The following CHMP4B variants were observed in gnomAD, a reference collection of about 807,000 sequenced individuals.
The protein encoded by CHMP4B is charged multivesicular body protein 4B.
CHMP4B carries 1 observed loss-of-function variant against 25.1 expected under a neutral mutation model. The ratio of observed to expected loss-of-function variants is 0.04; its 90% CI spans 0.01 to 0.19. CHMP4B has a LOEUF of 0.19. Among genes scored for constraint, CHMP4B ranks in the 10% least tolerant of loss-of-function variants. The pLI is 1.00. For synonymous variants in CHMP4B, 101 were observed against 115.6 expected, an observed-to-expected ratio of 0.87 and a Z score of 0.81; for missense variants, 151 against 289.7, an observed-to-expected ratio of 0.52 and a Z score of 3.48.
chr20:33,825,825 G>T (rs1979078899), intron 1 of CHMP4B, among the ~76,000 whole-genome samples: 1 of 152,192 alleles, frequency 6.6e-6, no homozygotes, highest in Admixed American at 6.5e-5. Flanking sequence ...TCTTATTTCA[G>T]AGGTAAGAGG....
At chr20:33,839,189 G>T (rs1979467496) in intron 1 of CHMP4B, among the ~76,000 whole-genome samples, 2 of 152,158 alleles carry the variant, frequency 1.3e-5, no homozygotes, top group African/African-American at 4.8e-5. Context: ...AGAATGTGGA[G>T]GAAAGGCTGT....
Position 33,811,610 on chromosome 20 carries a change from G to A in CHMP4B, c.142G>A (p.Glu48Lys). The change falls in exon 1 of 5, where the codon GAG becomes AAG. Residue 48 changes from glutamate to lysine, a missense_variant. Glu to Lys is a moderately conservative substitution (Grantham distance 56, BLOSUM62 1). Coordinates refer to ENST00000217402, the MANE Select transcript of CHMP4B (RefSeq NM_176812.5). ...ACAGGAGTTCCTGGAGAAGAAAATC[G>A]AGCAGGAGCTGACGGCCGCCAAGAA... ...KKQEFLEKKI[E>K]QELTAAKKHG... The A allele has an allele frequency of 6.2e-7, 1 of 1,613,934 alleles. No individual in the cohort carries two copies. The highest frequency in any genetic ancestry group is 1.3e-5 in the African/African-American group (1 of 75,056).
chr20:33,844,847 C>T (rs1462501779), intron 1 of CHMP4B, among the ~76,000 whole-genome samples: 1 of 151,748 alleles, frequency 6.6e-6, no homozygotes, highest in Non-Finnish European at 1.5e-5. Context: ...CAAGCTCCGC[C>T]TCCTGGGCTC....
chr20:33,811,893 G>T (rs1014436321), intron 1 of CHMP4B, among the ~76,000 whole-genome samples: 4 of 151,670 alleles, frequency 2.6e-5, no homozygotes, highest in Non-Finnish European at 5.9e-5. Flanking sequence ...TCTCCACCCC[G>T]CCAGGTCCCT....
chr20:33,841,729 T>C (rs547759666), intron 1 of CHMP4B, among the ~76,000 whole-genome samples: 54 of 152,050 alleles, frequency 3.6e-4, no homozygotes, highest in African/African-American at 1.2e-3. Context: ...CATTCTTTTT[T>C]CCCCCCCTTC....
intron 1 of CHMP4B, among the ~76,000 whole-genome samples, chr20:33,845,727 C>T (rs115549662): frequency 6.6e-6 from 1 of 152,090 alleles, no homozygotes; most frequent in Non-Finnish European, 1.5e-5. Context: ...CACTTGATCT[C>T]GGAAGGATTC....
At chr20:33,835,893 C>CT (rs1979379651) in intron 1 of CHMP4B, among the ~76,000 whole-genome samples, 1 of 152,150 alleles carries the variant, frequency 6.6e-6, no homozygotes, top group Non-Finnish European at 1.5e-5. Flanking sequence ...ACAACCAGCT[C>CT]TTTCGGGAAC....
intron 1 of CHMP4B, among the ~76,000 whole-genome samples, chr20:33,815,697 G>A (rs1978765197): frequency 6.6e-6 from 1 of 152,168 alleles, no homozygotes; most frequent in South Asian, 2.1e-4. Context: ...GTCAGCATTT[G>A]TTAAATGAAA....
chr20:33,836,693 C>G (rs763745802), intron 1 of CHMP4B, among the ~76,000 whole-genome samples: 6 of 152,080 alleles, frequency 3.9e-5, no homozygotes, highest in Admixed American at 1.3e-4. Context: ...CTCATGAACT[C>G]CAGCTGCGTT....
chr20:33,838,007 G>A (rs1979434784), intron 1 of CHMP4B, among the ~76,000 whole-genome samples: 1 of 152,222 alleles, frequency 6.6e-6, no homozygotes, highest in Non-Finnish European at 1.5e-5. Context: ...CCTAGGAAAT[G>A]AGGGGACTTG....
rs529610836 is a variant in CHMP4B at position 33,850,341 on chromosome 20, A to G, written c.369-611A>G. On this transcript the variant is annotated intron_variant, in intron 2 of 4. Coordinates refer to ENST00000217402, the MANE Select transcript of CHMP4B (RefSeq NM_176812.5). Reference sequence around the variant, plus strand: ...ACCGAGCTGCTTGAATGAGAACCATATATGCCTCATTTCTGTGTTCTCCTG... The same window carrying G: ...ACCGAGCTGCTTGAATGAGAACCATGTATGCCTCATTTCTGTGTTCTCCTG... Among the ~76,000 whole-genome samples, 23 of 152,312 alleles carry G rather than the reference A, an allele frequency of 1.5e-4. No individual in the cohort carries two copies. The South Asian group carries it at 2.9e-3, about 19-fold the overall frequency.
At chr20:33,818,480 T>G (rs1312760897) in intron 1 of CHMP4B, among the ~76,000 whole-genome samples, 1 of 152,244 alleles carries the variant, frequency 6.6e-6, no homozygotes, top group Non-Finnish European at 1.5e-5. Flanking sequence ...CCCTATCCTC[T>G]CACACTATAG....
chr20:33,815,901 A>G (rs558832070), intron 1 of CHMP4B, among the ~76,000 whole-genome samples: 35 of 152,252 alleles, frequency 2.3e-4, no homozygotes, highest in African/African-American at 7.9e-4. Context: ...TTAAACACCC[A>G]CCTGTGCAAG....
intron 1 of CHMP4B, among the ~76,000 whole-genome samples, chr20:33,845,146 C>T (rs988041579): frequency 6.6e-6 from 1 of 152,184 alleles, no homozygotes; most frequent in East Asian, 1.9e-4. Context: ...GTTACACAGA[C>T]TACTCCCCTC....
At chr20:33,822,651 G>T (rs6088310) in intron 1 of CHMP4B, among the ~76,000 whole-genome samples, 5 of 152,232 alleles carry the variant, frequency 3.3e-5, no homozygotes, top group Non-Finnish European at 7.3e-5. Flanking sequence ...CTGGCATTCA[G>T]CTTGCTGCTC....
chr20:33,845,558 G>T (rs1355164636), intron 1 of CHMP4B, among the ~76,000 whole-genome samples: 6 of 151,994 alleles, frequency 3.9e-5, no homozygotes, highest in Non-Finnish European at 1.5e-5. Context: ...CCTGGCCTCA[G>T]GTGATCCACC....
intron 1 of CHMP4B, among the ~76,000 whole-genome samples, chr20:33,838,915 G>T (rs1979460503): frequency 6.6e-6 from 1 of 152,156 alleles, no homozygotes; most frequent in Non-Finnish European, 1.5e-5. Flanking sequence ...TCCCTTTGGT[G>T]ACCCTGACTC....
intron 1 of CHMP4B, among the ~76,000 whole-genome samples, chr20:33,822,868 CACTG>C (rs985324366): frequency 5.9e-5 from 9 of 152,086 alleles, no homozygotes; most frequent in Non-Finnish European, 1.2e-4. Context: ...GATCTTGGCT[CACTG>C]CAAGCTCCAC....
At chr20:33,813,180 G>A (rs931685616) in intron 1 of CHMP4B, among the ~76,000 whole-genome samples, 3 of 152,006 alleles carry the variant, frequency 2.0e-5, no homozygotes, top group Non-Finnish European at 4.4e-5. Context: ...CCTTCTGGGC[G>A]TGGAAAGCAG....
Sources: allele counts gnomAD v4.1 joint callset (sites outside exome capture counted in the v4.1 genomes callset), GRCh38; gene constraint gnomAD v4.1.1; transcripts MANE v1.5; gene names NCBI Gene and HGNC (gene_info 2026-07-23, HGNC 2026-07-21).